Variants in PDCL2 observed in about 807,000 individuals in gnomAD.
The protein encoded by PDCL2 is phosducin like 2, also known as phosducin-like protein 2.
PDCL2 carries 23 observed loss-of-function variants against 30.3 expected under a neutral mutation model. That is an observed-to-expected ratio of 0.76 (90% CI 0.55 to 1.08). PDCL2 has a LOEUF of 1.08. PDCL2 is among the 50% of genes least tolerant of loss of function. The probability of loss-of-function intolerance (pLI) is 0.00; values close to 1 mark genes in which losing one functional copy is unlikely to be tolerated. For missense variants in PDCL2, 243 were observed against 282.3 expected, an observed-to-expected ratio of 0.86 and a Z score of 1.00; for synonymous variants, 68 against 86.2, an observed-to-expected ratio of 0.79 and a Z score of 1.17.
chr4:55,565,973 G>GTTTTTTTTTTTTTTTTTTTTTTTTTT (rs71194595), intron 4 of PDCL2, among the ~76,000 whole-genome samples: 1 of 74,494 alleles, frequency 1.3e-5, no homozygotes, highest in Non-Finnish European at 2.4e-5. Context: ...CCATTTTTCT[G>GTTTTTTTTTTTTTTTTTTTTTTTTTT]TTTTTTTTTT....
intron 3 of PDCL2, among the ~76,000 whole-genome samples, chr4:55,572,332 C>A (rs1485031658): frequency 6.6e-6 from 1 of 152,180 alleles, no homozygotes; most frequent in African/African-American, 2.4e-5. Flanking sequence ...ACTGGGATAC[C>A]AGGAATGACT....
At chr4:55,559,163 A>G (rs953666977) in intron 5 of PDCL2, among the ~76,000 whole-genome samples, 7 of 152,168 alleles carry the variant, frequency 4.6e-5, no homozygotes, top group Non-Finnish European at 8.8e-5. Context: ...ATCTTCAAAC[A>G]CCGATGGAAG....
At position 55,585,790 on chromosome 4, in the gene PDCL2, G is replaced by A. The variant is rs911637397; in HGVS notation, c.7-3553C>T. 2.6e-5 allele frequency among the ~76,000 whole-genome samples: 4 copies of A among 151,996 alleles called. No individual in the cohort carries two copies. In the East Asian group the frequency reaches 5.8e-4, roughly 22 times the overall value. On this transcript the variant is annotated intron_variant, in intron 1 of 5. Transcript: ENST00000295645. Reference sequence around the variant, plus strand: ...CTGTTGGTAGGCTATATGTGTCTATGGATTTATCCATTTCTTCTAGGTTAT... The same window carrying A: ...CTGTTGGTAGGCTATATGTGTCTATAGATTTATCCATTTCTTCTAGGTTAT...
chr4:55,583,667 A>G (rs1214934197), intron 1 of PDCL2, among the ~76,000 whole-genome samples: 1 of 152,198 alleles, frequency 6.6e-6, no homozygotes, highest in African/African-American at 2.4e-5. Flanking sequence ...CCATTATTGA[A>G]GAGACTGTCC....
chr4:55,580,937 T>C, intron 2 of PDCL2, 26 bp from the exon 3 acceptor site: 4 of 1,551,048 alleles, frequency 2.6e-6, no homozygotes, highest in Non-Finnish European at 2.6e-6. Context: ...TTATAGATTA[T>C]CAAATTGTTT....
At chr4:55,568,544 G>A (rs776890281) in intron 4 of PDCL2, among the ~76,000 whole-genome samples, 3 of 152,192 alleles carry the variant, frequency 2.0e-5, no homozygotes, top group Non-Finnish European at 4.4e-5. Flanking sequence ...GAGTAAGGAC[G>A]ACGTATTAGA....
In PDCL2 at chr4:55,562,404, C is replaced by A; in HGVS notation, c.571G>T (p.Glu191Ter). The change falls in exon 5 of 6, where the codon GAA becomes TAA. Residue 191 changes from glutamate to a stop codon, truncating the protein, a stop_gained and splice_region_variant. Transcript: ENST00000295645. LOFTEE classifies it high-confidence loss of function. The part of the protein sequence containing the change: ...ECGGINLKLE[E>*]LEWKLAEVGA... ...TTATAAACAAAATTTGTAACATTAC[C>A]TTCCAGCTTGAGATTTATCCCTCCA... 1 of 1,392,438 alleles carries A rather than the reference C, an allele frequency of 7.2e-7. No homozygotes were observed. The highest frequency in any genetic ancestry group is 1.9e-5 in the South Asian group (1 of 52,500). 86.3% of individuals were successfully genotyped at this position (1,392,438 alleles called of 1,614,324 possible).
chr4:55,568,305 G>C (rs114510433), intron 4 of PDCL2, among the ~76,000 whole-genome samples: 6,085 of 152,242 alleles, frequency 0.04, 167 homozygotes, highest in South Asian at 0.15. Context: ...CCATTTACTA[G>C]GCAAGACTGG....
rs115027922 is a variant in PDCL2 at position 55,568,131 on chromosome 4, G to A, written c.362+1587C>T. 3.5e-3 allele frequency among the ~76,000 whole-genome samples: 532 copies of A among 152,232 alleles called. 3 individuals are homozygous for A. The highest frequency in any genetic ancestry group is 0.012 in the African/African-American group (506 of 41,534). On this transcript the variant is annotated intron_variant, in intron 4 of 5. Transcript: ENST00000295645. ...ATTGCTCTGTATATAATTTCCCTGA[G>A]GACCTAAAGATAAAAACATTTATTA... is the stretch of plus-strand genomic sequence containing the variant.
intron 3 of PDCL2, among the ~76,000 whole-genome samples, chr4:55,578,594 T>TC (rs943096763): frequency 3.3e-5 from 5 of 152,092 alleles, no homozygotes; most frequent in African/African-American, 1.2e-4. Context: ...CAGTGGGTTT[T>TC]TTTTTTTAAT....
At position 55,565,973 on chromosome 4, in the gene PDCL2, GTTTTTTTTTTTTTT is replaced by G. The variant is rs71194595; in HGVS notation, c.363-3375_363-3362del. Among the ~76,000 whole-genome samples the G allele has an allele frequency of 5.4e-5, 4 of 74,494 alleles. No individual in the cohort carries two copies. In the Admixed American group the frequency reaches 8.8e-4, roughly 16 times the overall value. 48.9% of individuals were successfully genotyped at this position (74,494 alleles called of 152,430 possible). On this transcript the variant is annotated intron_variant, in intron 4 of 5. Transcript: ENST00000295645. ...AAGCTGTAAGTAAATCCATTTTTCTGTTTTTTTTTTTTTTTTTTTTTTTTTGAGATGGAGTCCTG... is the reference window on the plus strand; with the variant it reads ...AAGCTGTAAGTAAATCCATTTTTCTGTTTTTTTTTTTGAGATGGAGTCCTG...
chr4:55,568,780 T>TA (rs1411136248), intron 4 of PDCL2, among the ~76,000 whole-genome samples: 1 of 152,200 alleles, frequency 6.6e-6, no homozygotes, highest in African/African-American at 2.4e-5. Context: ...AGGACACTCT[T>TA]AATCACTGGA....
intron 3 of PDCL2, among the ~76,000 whole-genome samples, chr4:55,577,336 C>T (rs56299472): frequency 0.23 from 34,521 of 151,918 alleles, 4,509 homozygotes; most frequent in South Asian, 0.38. Flanking sequence ...TTGGGGGGGA[C>T]ACAAACATTC....
intron 3 of PDCL2, among the ~76,000 whole-genome samples, chr4:55,574,767 T>C (rs1732519915): frequency 6.6e-6 from 1 of 152,236 alleles, no homozygotes; most frequent in Non-Finnish European, 1.5e-5. Context: ...ATCCATGTTG[T>C]AGAACATATT....
intron 1 of PDCL2, among the ~76,000 whole-genome samples, chr4:55,588,083 T>C (rs542380504): frequency 6.6e-6 from 1 of 152,216 alleles, no homozygotes; most frequent in Admixed American, 6.5e-5. Flanking sequence ...TATACAGTTG[T>C]GAAAGAAAAA....
At chr4:55,586,001 G>T (rs1482874877) in intron 1 of PDCL2, among the ~76,000 whole-genome samples, 1 of 151,764 alleles carries the variant, frequency 6.6e-6, no homozygotes, top group Non-Finnish European at 1.5e-5. Flanking sequence ...TTTTTCTATT[G>T]TTTTTCTAGT....
chr4:55,588,535 C>A (rs1299693112), intron 1 of PDCL2, among the ~76,000 whole-genome samples: 4 of 152,168 alleles, frequency 2.6e-5, no homozygotes, highest in African/African-American at 4.8e-5. Context: ...GCAAGCTGTA[C>A]CCCAACCACA....
At chr4:55,582,277 A>G in intron 1 of PDCL2, 40 bp from the exon 2 acceptor site, 1 of 1,543,824 alleles carries the variant, frequency 6.5e-7, no homozygotes, top group Non-Finnish European at 8.7e-7. Context: ...ACATGGTTGT[A>G]CACTTTAATA....
At chr4:55,575,652 C>G (rs1444317566) in intron 3 of PDCL2, among the ~76,000 whole-genome samples, 1 of 152,120 alleles carries the variant, frequency 6.6e-6, no homozygotes, top group African/African-American at 2.4e-5. Context: ...CAAGAAGAGA[C>G]AATGAGAATC....
Sources: gnomAD v4.1 joint callset for allele counts (sites outside exome capture counted in the v4.1 genomes callset) on GRCh38, gnomAD v4.1.1 for gene constraint, MANE v1.5 for transcripts, NCBI Gene and HGNC (gene_info 2026-07-23, HGNC 2026-07-21) for gene names.